MAD1L1: variants seen among roughly 807,000 people sequenced by gnomAD.
MAD1L1 encodes the protein mitotic arrest deficient 1 like 1, also known as mitotic spindle assembly checkpoint protein MAD1.
Under a neutral mutation model 96.9 loss-of-function variants are expected in MAD1L1, and 95 were observed. That is an observed-to-expected ratio of 0.98 (90% CI 0.83 to 1.16). MAD1L1 has a LOEUF of 1.16. Among genes scored for constraint, MAD1L1 ranks in the 50% most tolerant of loss-of-function variants. MAD1L1 has a pLI of 0.00. For synonymous variants in MAD1L1, 473 were observed against 396.6 expected, an observed-to-expected ratio of 1.19 and a Z score of -2.29; for missense variants, 1,007 against 954.4, an observed-to-expected ratio of 1.06 and a Z score of -0.73.
chr7:1,885,200 G>GC (rs989259230), intron 18 of MAD1L1, among the ~76,000 whole-genome samples: 1 of 152,086 alleles, frequency 6.6e-6, no homozygotes, highest in East Asian at 1.9e-4. Context: ...CTGCATGGAC[G>GC]CCCCCACACA....
chr7:1,837,278 G>A (rs1255967438), intron 18 of MAD1L1, among the ~76,000 whole-genome samples: 2 of 152,178 alleles, frequency 1.3e-5, no homozygotes, highest in African/African-American at 4.8e-5. Flanking sequence ...CTCTTAGAAG[G>A]ACTGAAATTA....
intron 11 of MAD1L1, among the ~76,000 whole-genome samples, chr7:2,104,825 G>A (rs535419974): frequency 5.1e-4 from 77 of 152,236 alleles, no homozygotes; most frequent in Non-Finnish European, 9.0e-4. Flanking sequence ...CAGCTCCCAC[G>A]CCAGGCCGTG....
chr7:2,014,272 C>T (rs1372672306), intron 13 of MAD1L1, among the ~76,000 whole-genome samples: 1 of 152,168 alleles, frequency 6.6e-6, no homozygotes, highest in Non-Finnish European at 1.5e-5. Flanking sequence ...CAGGCTGGGA[C>T]CACCTGAGAC....
chr7:1,979,494 G>T (rs1780795198), intron 15 of MAD1L1, among the ~76,000 whole-genome samples: 1 of 152,258 alleles, frequency 6.6e-6, no homozygotes, highest in Non-Finnish European at 1.5e-5. Context: ...ATCCGCACTG[G>T]ATGGGGCAGC....
chr7:1,926,468 C>T (rs930430755), intron 17 of MAD1L1, among the ~76,000 whole-genome samples: 3 of 152,186 alleles, frequency 2.0e-5, no homozygotes, highest in African/African-American at 4.8e-5. Flanking sequence ...GTGAAGATTA[C>T]TGACGATGTC....
chr7:1,964,975 C>T (rs896659341), intron 15 of MAD1L1, among the ~76,000 whole-genome samples: 26 of 152,212 alleles, frequency 1.7e-4, no homozygotes, highest in African/African-American at 4.6e-4. Flanking sequence ...CAGCCTCCCA[C>T]GGGTCCCAGA....
At chr7:1,873,742 CT>C (rs1357369617) in intron 18 of MAD1L1, among the ~76,000 whole-genome samples, 2 of 152,168 alleles carry the variant, frequency 1.3e-5, no homozygotes, top group African/African-American at 2.4e-5. Flanking sequence ...CAGCTCACCC[CT>C]GATGGACACC....
chr7:1,862,311 G>A (rs922015448), intron 18 of MAD1L1, among the ~76,000 whole-genome samples: 5 of 152,208 alleles, frequency 3.3e-5, no homozygotes, highest in Admixed American at 2.0e-4. Flanking sequence ...ATGTTGCCAC[G>A]GGTCCCCTGG....
intron 18 of MAD1L1, among the ~76,000 whole-genome samples, chr7:1,882,250 G>C (rs533407560): frequency 6.6e-6 from 1 of 152,350 alleles, no homozygotes; most frequent in South Asian, 2.1e-4. Flanking sequence ...GGGCACCTGG[G>C]AGATGTTAGC....
chr7:1,840,938 T>C (rs917271644), intron 18 of MAD1L1, among the ~76,000 whole-genome samples: 2 of 152,224 alleles, frequency 1.3e-5, no homozygotes, highest in African/African-American at 4.8e-5. Flanking sequence ...CAAGCCAGGA[T>C]AGAGCAAACC....
chr7:1,983,006 T>G (rs1307257987), intron 14 of MAD1L1, among the ~76,000 whole-genome samples: 1 of 152,218 alleles, frequency 6.6e-6, no homozygotes, highest in Non-Finnish European at 1.5e-5. Context: ...GGAATAAATC[T>G]TACTGCATAT....
At chr7:1,823,687 T>C (rs998412327) in intron 18 of MAD1L1, among the ~76,000 whole-genome samples, 2 of 152,290 alleles carry the variant, frequency 1.3e-5, no homozygotes, top group African/African-American at 4.8e-5. Flanking sequence ...GCCGGGCCTG[T>C]GGCATCAGCG....
chr7:1,905,480 T>C (rs1484703396), intron 17 of MAD1L1, among the ~76,000 whole-genome samples: 1 of 151,026 alleles, frequency 6.6e-6, no homozygotes, highest in Non-Finnish European at 1.5e-5. Context: ...AAGACGCTCT[T>C]GCGGAACTCA....
At chr7:1,840,740 AAAC>A (rs1359635888) in intron 18 of MAD1L1, among the ~76,000 whole-genome samples, 2 of 152,188 alleles carry the variant, frequency 1.3e-5, no homozygotes, top group Non-Finnish European at 1.5e-5. Flanking sequence ...CAACAAAACA[AAAC>A]AATAAAACAG....
At position 1,906,122 on chromosome 7, in the gene MAD1L1, T is replaced by C. The variant is rs141156678; in HGVS notation, c.1808-7732A>G. 3.6e-3 allele frequency among the ~76,000 whole-genome samples: 542 copies of C among 149,936 alleles called. 3 individuals carry two copies. Among genetic ancestry groups the C allele is most frequent in the African/African-American group, 0.013 (518 of 40,648 alleles). ...AGCACCCGCAGGCACCAGGCAGCACTGCCCTGAGGAGACCAGCCCCTGCAC... is the reference window on the plus strand; with the variant it reads ...AGCACCCGCAGGCACCAGGCAGCACCGCCCTGAGGAGACCAGCCCCTGCAC... On this transcript the variant is annotated intron_variant, in intron 17 of 18. Transcript: ENST00000265854.
intron 15 of MAD1L1, among the ~76,000 whole-genome samples, chr7:1,977,148 C>T (rs189027580): frequency 1.7e-3 from 256 of 152,330 alleles, no homozygotes; most frequent in Non-Finnish European, 6.3e-4. Context: ...TAGGACCAGG[C>T]GCCGCAGAGC....
chr7:1,898,694 G>A (rs1226686580), intron 17 of MAD1L1, among the ~76,000 whole-genome samples: 2 of 152,218 alleles, frequency 1.3e-5, no homozygotes, highest in Admixed American at 6.5e-5. Context: ...TCAGCCCTCG[G>A]CCTGCAGAAT....
chr7:2,082,217 G>T (rs1418397963), intron 11 of MAD1L1, among the ~76,000 whole-genome samples: 4 of 152,036 alleles, frequency 2.6e-5, no homozygotes, highest in Non-Finnish European at 5.9e-5. Context: ...GAGTGTGAGG[G>T]GGCTGTGCAC....
chr7:1,938,712 C>G (rs1778743885), intron 16 of MAD1L1, among the ~76,000 whole-genome samples: 1 of 152,062 alleles, frequency 6.6e-6, no homozygotes, highest in Admixed American at 6.6e-5. Flanking sequence ...AAGGTGCACA[C>G]ACATGGGCCA....
Sources: gnomAD v4.1 joint callset for allele counts (sites outside exome capture counted in the v4.1 genomes callset) on GRCh38, gnomAD v4.1.1 for gene constraint, MANE v1.5 for transcripts, NCBI Gene and HGNC (gene_info 2026-07-23, HGNC 2026-07-21) for gene names.